DCX: variants seen among roughly 807,000 people sequenced by gnomAD.
DCX encodes doublecortin.
DCX carries 4 observed loss-of-function variants against 20.9 expected under a neutral mutation model. The observed-to-expected ratio is 0.19, with a 90% CI of 0.09 to 0.44. The LOEUF (loss-of-function observed/expected upper bound fraction) is 0.44, where lower values mean the gene tolerates loss of function less well. Ranked by LOEUF, DCX falls within the 20% of genes least tolerant of loss-of-function variation. The probability of loss-of-function intolerance (pLI) is 0.99; values close to 1 mark genes in which losing one functional copy is unlikely to be tolerated. For synonymous variants in DCX, 103 were observed against 111.4 expected (o/e 0.92, Z 0.47); for missense variants, 133 against 296.9 (o/e 0.45, Z 4.06).
chrX:111,297,791 G>A lies in DCX; in HGVS notation c.*3896C>T, dbSNP rs1221428482. On this transcript the variant is annotated 3_prime_UTR_variant, in exon 7 of 7. Coordinates refer to ENST00000636035, the MANE Select transcript of DCX (RefSeq NM_001195553.2). ...GCCACAGGAGCAGTGTACACAAGAC[G>A]ATGGGAAGAGTGTATAGAGCACACA... The A allele has an allele frequency of 8.9e-6, 1 of 111,899 alleles. No homozygotes were observed. The highest frequency in any genetic ancestry group is 1.9e-5 in the Non-Finnish European group (1 of 53,224). 9.2% of individuals were successfully genotyped at this position (111,899 alleles called of 1,213,427 possible). A position where few individuals can be genotyped will look rare whatever the true frequency, so the allele number is the denominator to read the frequency against.
At chrX:111,305,852 TCAAG>T (rs1440419404) in intron 6 of DCX, among the ~76,000 whole-genome samples, 1 of 111,078 alleles carries the variant, frequency 9.0e-6, no homozygotes, top group Non-Finnish European at 1.9e-5. Flanking sequence ...ATAATTTAAA[TCAAG>T]TTTGTATTAA....
At chrX:111,345,709 G>T (rs1922746880) in intron 3 of DCX, among the ~76,000 whole-genome samples, 1 of 111,586 alleles carries the variant, frequency 9.0e-6, no homozygotes, top group Non-Finnish European at 1.9e-5. Context: ...TCTCACGCCA[G>T]TCATGCGTCT....
chrX:111,410,512 A>T (rs1216998807), intron 1 of DCX, 92 bp from the exon 2 acceptor site: 1 of 1,107,112 alleles, frequency 9.0e-7, no homozygotes, highest in Non-Finnish European at 1.2e-6. Flanking sequence ...AATATTAGCC[A>T]GATCCAGATC....
Position 111,300,694 on chromosome X carries a change from C to A in DCX, c.*993G>T, listed in dbSNP as rs1351591353. 1 of 108,114 alleles carries A rather than the reference C, an allele frequency of 9.2e-6. No homozygotes were observed. The highest frequency in any genetic ancestry group is 1.9e-5 in the Non-Finnish European group (1 of 52,346). 8.9% of individuals were successfully genotyped at this position (108,114 alleles called of 1,213,427 possible). On this transcript the variant is annotated 3_prime_UTR_variant, in exon 7 of 7. Transcript: ENST00000636035. ...AAATCACCAGTTTATAAAAAAGGAG[C>A]CTGAAGAGTTTGCTCCTGAAATACA...
At chrX:111,372,181 A>G (rs766704051) in intron 3 of DCX, among the ~76,000 whole-genome samples, 22 of 111,886 alleles carry the variant, frequency 2.0e-4, no homozygotes, top group African/African-American at 6.8e-4. Flanking sequence ...CATCATGCTG[A>G]CCAACACACA....
At chrX:111,379,159 A>C (rs1240689833) in intron 3 of DCX, among the ~76,000 whole-genome samples, 1 of 112,552 alleles carries the variant, frequency 8.9e-6, no homozygotes, top group Middle Eastern at 4.2e-3. Flanking sequence ...CGCATAAACT[A>C]TATTACTGAA....
chrX:111,365,923 T>A (rs1008041851), intron 3 of DCX, among the ~76,000 whole-genome samples: 1 of 111,648 alleles, frequency 9.0e-6, no homozygotes, highest in African/African-American at 3.3e-5. Context: ...GGCTGTCCTG[T>A]GCATTGTAGA....
intron 3 of DCX, among the ~76,000 whole-genome samples, chrX:111,335,662 T>C (rs1402500609): frequency 8.9e-6 from 1 of 112,583 alleles, no homozygotes; most frequent in Non-Finnish European, 1.9e-5. Flanking sequence ...TAAAGAAAAG[T>C]CTAGGCCAGG....
At chrX:111,352,044 G>A (rs1923352655) in intron 3 of DCX, among the ~76,000 whole-genome samples, 1 of 111,718 alleles carries the variant, frequency 9.0e-6, no homozygotes, top group Non-Finnish European at 1.9e-5. Context: ...TCTTAACCAG[G>A]GGTGATTTGC....
chrX:111,304,594 G>T (rs771631160), intron 6 of DCX, among the ~76,000 whole-genome samples: 68 of 111,245 alleles, frequency 6.1e-4, no homozygotes, highest in Non-Finnish European at 1.0e-3. Context: ...GACCTGTGGG[G>T]TAGCTCCCTG....
chrX:111,402,225 G>T (rs1425300878), intron 2 of DCX, among the ~76,000 whole-genome samples: 1 of 111,703 alleles, frequency 9.0e-6, no homozygotes, highest in African/African-American at 3.3e-5. Flanking sequence ...GGATTGGAAG[G>T]ATCTAGTGTA....
rs750767949 is a variant in DCX at position 111,299,373 on chromosome X, C to T, written c.*2314G>A. 1.4e-4 allele frequency: 15 copies of T among 111,109 alleles called. No homozygotes were observed. The highest frequency in any genetic ancestry group is 2.8e-4 in the Non-Finnish European group (15 of 53,042). 9.2% of individuals were successfully genotyped at this position (111,109 alleles called of 1,213,427 possible). On this transcript the variant is annotated 3_prime_UTR_variant, in exon 7 of 7. Coordinates refer to ENST00000636035, the MANE Select transcript of DCX (RefSeq NM_001195553.2). ...TGGTATTTTCTAGTAGTACATATACCGCAATCAAGGAAATACTCAGAGAGC... is the reference window on the plus strand; with the variant it reads ...TGGTATTTTCTAGTAGTACATATACTGCAATCAAGGAAATACTCAGAGAGC...
intron 5 of DCX, among the ~76,000 whole-genome samples, chrX:111,325,683 T>G (rs1159195988): frequency 8.9e-6 from 1 of 112,117 alleles, no homozygotes; most frequent in Non-Finnish European, 1.9e-5. Context: ...GTGCGGCTAG[T>G]CAGAACTGAG....
In DCX at chrX:111,293,950, C is replaced by G. The variant is rs924934314; in HGVS notation, c.*7737G>C. On this transcript the variant is annotated 3_prime_UTR_variant, in exon 7 of 7. Coordinates refer to ENST00000636035, the MANE Select transcript of DCX (RefSeq NM_001195553.2). ...AATCTTCAGCACTCACAGTTCACAG[C>G]ACCTTACACACATGGCAAACTTCTC... 1.8e-5 allele frequency: 2 copies of G among 112,358 alleles called. No individual in the cohort carries two copies. Among genetic ancestry groups the G allele is most frequent in the East Asian group, 5.6e-4 (2 of 3,553 alleles). The allele number at this position is 112,358 out of a possible 1,213,427, so 9.3% of individuals were successfully genotyped here.
chrX:111,381,196 C>A (rs896563694), intron 3 of DCX, among the ~76,000 whole-genome samples: 9 of 109,981 alleles, frequency 8.2e-5, no homozygotes, highest in African/African-American at 2.6e-4. Context: ...CTCTACTCTG[C>A]CAATATGATG....
At chrX:111,398,349 A>G (rs774609741) in intron 3 of DCX, among the ~76,000 whole-genome samples, 1 of 110,948 alleles carries the variant, frequency 9.0e-6, no homozygotes, top group South Asian at 3.9e-4. Flanking sequence ...ATTAATTAAA[A>G]AAAAAAAAAG....
At chrX:111,385,654 A>AAAAAAGAAAGAAAAG (rs1268236666) in intron 3 of DCX, among the ~76,000 whole-genome samples, 1 of 109,128 alleles carries the variant, frequency 9.2e-6, no homozygotes, top group African/African-American at 3.3e-5. Flanking sequence ...AGAATCTGTC[A>AAAAAAGAAAGAAAAG]AAAAAGAAAG....
intron 3 of DCX, among the ~76,000 whole-genome samples, chrX:111,344,646 C>CA (rs1159586711): frequency 1.8e-5 from 2 of 110,285 alleles, no homozygotes; most frequent in African/African-American, 6.6e-5. Context: ...ACAATCACTA[C>CA]AAAAAAAGAA....
intron 3 of DCX, among the ~76,000 whole-genome samples, chrX:111,344,781 A>AGGAAAAAT (rs1334987197): frequency 5.3e-5 from 6 of 112,323 alleles, no homozygotes; most frequent in African/African-American, 1.9e-4. Context: ...CCTCATGGAT[A>AGGAAAAAT]GGAAAAATCA....
Sources: gnomAD v4.1 joint callset for allele counts (sites outside exome capture counted in the v4.1 genomes callset) on GRCh38, gnomAD v4.1.1 for gene constraint, MANE v1.5 for transcripts, NCBI Gene and HGNC (gene_info 2026-07-23, HGNC 2026-07-21) for gene names.